Variants in NEK1 observed in about 807,000 individuals in gnomAD.
The protein encoded by NEK1 is NIMA related kinase 1, also known as serine/threonine-protein kinase Nek1.
A neutral mutation model predicts 182.1 loss-of-function variants in NEK1; 137 were observed. The ratio of observed to expected loss-of-function variants is 0.75; its 90% CI spans 0.65 to 0.87. The LOEUF is 0.87. Ranked by LOEUF, NEK1 falls within the 40% of genes least tolerant of loss-of-function variation. NEK1 has a pLI of 0.00. For missense variants in NEK1, 1,391 were observed against 1,494.4 expected (o/e 0.93, Z 1.14); for synonymous variants, 513 against 492.2 (o/e 1.04, Z -0.56).
intron 23 of NEK1, among the ~76,000 whole-genome samples, chr4:169,488,595 T>C (rs1217449674): frequency 6.6e-6 from 1 of 152,092 alleles, no homozygotes. Context: ...TATCCTTTGT[T>C]AGATTGAAAA....
intron 26 of NEK1, among the ~76,000 whole-genome samples, chr4:169,472,169 A>G (rs2149530658): frequency 6.6e-6 from 1 of 152,004 alleles, no homozygotes; most frequent in African/African-American, 2.4e-5. Context: ...CAAAAAACAA[A>G]AAAAACAAAA....
intron 13 of NEK1, 95 bp downstream of exon 13, chr4:169,562,042 T>A: frequency 8.6e-7 from 1 of 1,157,994 alleles, no homozygotes; most frequent in Non-Finnish European, 1.2e-6. Context: ...TTGAAAGAAA[T>A]AAGGAAAGGT....
chr4:169,560,648 A>G (rs1199674350), intron 16 of NEK1, among the ~76,000 whole-genome samples: 1 of 152,166 alleles, frequency 6.6e-6, no homozygotes, highest in African/African-American at 2.4e-5. Flanking sequence ...ACCAACTACA[A>G]ATAGAGATAT....
chr4:169,475,344 T>C (rs1053910684), intron 26 of NEK1, among the ~76,000 whole-genome samples: 6 of 152,122 alleles, frequency 3.9e-5, no homozygotes, highest in South Asian at 2.1e-4. Context: ...ATTCCTTCCG[T>C]AGAGCACTCA....
chr4:169,607,539 T>C (rs1771561524), intron 2 of NEK1, among the ~76,000 whole-genome samples: 1 of 152,128 alleles, frequency 6.6e-6, no homozygotes, highest in Non-Finnish European at 1.5e-5. Context: ...CTTGGCTCAC[T>C]GCAAGCTCCA....
At chr4:169,406,314 A>T (rs1180911222) in intron 32 of NEK1, among the ~76,000 whole-genome samples, 1 of 151,870 alleles carries the variant, frequency 6.6e-6, no homozygotes, top group Non-Finnish European at 1.5e-5. Context: ...GTTAATGATT[A>T]AAAAAAAGAG....
chr4:169,607,110 G>T (rs1030168560), intron 2 of NEK1, among the ~76,000 whole-genome samples: 3 of 152,224 alleles, frequency 2.0e-5, no homozygotes, highest in Admixed American at 2.0e-4. Flanking sequence ...CATGGAGGAG[G>T]ACTGAAACAG....
intron 12 of NEK1, among the ~76,000 whole-genome samples, chr4:169,573,043 G>C (rs982801044): frequency 6.6e-6 from 1 of 152,212 alleles, no homozygotes; most frequent in East Asian, 1.9e-4. Context: ...ATATTTGTTT[G>C]CTAACATGAA....
chr4:169,542,622 T>G (rs1759647790), intron 18 of NEK1, among the ~76,000 whole-genome samples: 1 of 152,208 alleles, frequency 6.6e-6, no homozygotes, highest in African/African-American at 2.4e-5. Context: ...CCACCAACAG[T>G]GTAAAAGCAT....
chr4:169,516,447 G>T (rs1755260177), intron 19 of NEK1, among the ~76,000 whole-genome samples: 1 of 106,070 alleles, frequency 9.4e-6, no homozygotes, highest in African/African-American at 5.0e-5. Flanking sequence ...CTCCCATGTT[G>T]TAGGTTGCCT....
intron 4 of NEK1, among the ~76,000 whole-genome samples, chr4:169,601,504 A>G (rs1407835724): frequency 6.6e-6 from 1 of 152,206 alleles, no homozygotes; most frequent in East Asian, 1.9e-4. Flanking sequence ...CTTTCAACAT[A>G]CCTCACTATT....
Position 169,580,709 on chromosome 4 carries a change from T to C in NEK1, c.868+133A>G, listed in dbSNP as rs980568337. 5 of 630,400 alleles carry C rather than the reference T, an allele frequency of 7.9e-6. No individual in the cohort carries two copies. The Admixed American group carries it at 1.4e-4, about 17-fold the overall frequency. 39.1% of individuals were successfully genotyped at this position (630,400 alleles called of 1,614,324 possible). ...GTATATTGCCATAAAACATTAATAA[T>C]TCTAAGGTGCATTTTCTCTGGATTA... On this transcript the variant is annotated intron_variant, in intron 11 of 35. Transcript: ENST00000507142.
Position 169,438,023 on chromosome 4 carries a change from T to C in NEK1, c.2764+60A>G, listed in dbSNP as rs1194997777. On this transcript the variant is annotated intron_variant, in intron 28 of 35. Transcript: ENST00000507142. ...AATTTTGATAATCTGTTTATAAAGC[T>C]TGTGAAATTTAAGTTTTTACTAAAT... is the stretch of plus-strand genomic sequence containing the variant. The C allele has an allele frequency of 7.9e-6, 10 of 1,272,736 alleles. No individual in the cohort carries two copies. In the East Asian group the frequency reaches 2.4e-4, roughly 31 times the overall value. The allele number at this position is 1,272,736 out of a possible 1,614,324, so 78.8% of individuals were successfully genotyped here. A position where few individuals can be genotyped will look rare whatever the true frequency, so the allele number is the denominator to read the frequency against.
At chr4:169,427,456 C>A (rs192413258) in intron 29 of NEK1, among the ~76,000 whole-genome samples, 22 of 150,356 alleles carry the variant, frequency 1.5e-4, no homozygotes, top group Admixed American at 1.0e-3. Flanking sequence ...TTTCTACTTT[C>A]TCATTTTCAG....
At chr4:169,601,716 T>C (rs190970062) in intron 4 of NEK1, among the ~76,000 whole-genome samples, 1 of 152,114 alleles carries the variant, frequency 6.6e-6, no homozygotes, top group Non-Finnish European at 1.5e-5. Flanking sequence ...TATTAAATTA[T>C]ACAGGCACAG....
chr4:169,551,746 A>G (rs1761452813), intron 18 of NEK1, among the ~76,000 whole-genome samples: 1 of 151,734 alleles, frequency 6.6e-6, no homozygotes, highest in Admixed American at 6.6e-5. Context: ...CCTCCTATAC[A>G]CTCCAATTTT....
chr4:169,495,174 G>A lies in NEK1; in HGVS notation c.2007+11863C>T, dbSNP rs143607820. Among the ~76,000 whole-genome samples the A allele has an allele frequency of 8.4e-4, 126 of 150,012 alleles. No homozygotes were observed. The East Asian group carries it at 0.023, about 27-fold the overall frequency. On this transcript the variant is annotated intron_variant, in intron 23 of 35. Coordinates refer to ENST00000507142, the MANE Select transcript of NEK1 (RefSeq NM_001199397.3). ...ACATGAAGTCCTTGCCCATGTCTAT[G>A]TACTGAATGGTACTGCCTAGGTTTT...
chr4:169,453,007 A>G (rs2149473014), intron 27 of NEK1, among the ~76,000 whole-genome samples: 1 of 152,346 alleles, frequency 6.6e-6, no homozygotes, highest in African/African-American at 2.4e-5. Context: ...AAGCATTCCT[A>G]TACACCATTA....
chr4:169,515,706 T>C (rs1429034808), intron 19 of NEK1, among the ~76,000 whole-genome samples: 2 of 94,466 alleles, frequency 2.1e-5, no homozygotes, highest in South Asian at 4.7e-4. Context: ...CCTGTGTCCA[T>C]GTGATCTCAT....
Sources: allele counts gnomAD v4.1 joint callset (sites outside exome capture counted in the v4.1 genomes callset), GRCh38; gene constraint gnomAD v4.1.1; transcripts MANE v1.5; gene names NCBI Gene and HGNC (gene_info 2026-07-23, HGNC 2026-07-21).